The following NPC1L1 variants were observed in gnomAD, a reference collection of about 807,000 sequenced individuals.
NPC1L1 encodes the protein NPC1-like intracellular cholesterol transporter 1.
NPC1L1 carries 98 observed loss-of-function variants against 117.0 expected under a neutral mutation model. The observed-to-expected ratio is 0.84, with a 90% CI of 0.71 to 0.99. The LOEUF (loss-of-function observed/expected upper bound fraction) is 0.99. Ranked by LOEUF, NPC1L1 falls within the 50% of genes least tolerant of loss-of-function variation. The probability of loss-of-function intolerance (pLI) is 0.00; values close to 1 mark genes in which losing one functional copy is unlikely to be tolerated. For synonymous variants in NPC1L1, 729 were observed against 727.6 expected, an observed-to-expected ratio of 1.00 and a Z score of -0.03; for missense variants, 1,540 against 1,710.0, an observed-to-expected ratio of 0.90 and a Z score of 1.75.
rs750012314 is a variant in NPC1L1 at position 44,539,591 on chromosome 7, G to T, written c.806C>A (p.Pro269His). ...CAASCPAIARPQALDSTFYLG... is the reference protein window; with the variant it reads ...CAASCPAIARHQALDSTFYLG... ...GTAGAAGGTGGAGTCGAGGGCCTGG[G>T]GGCGGGCTATGGCAGGACAGGATGC... Residue 269 changes from proline (P) to histidine (H), a missense_variant, in exon 2 of 19, where the codon CCC (proline) becomes CAC (histidine). Physicochemically the swap from Pro to His is moderately conservative, Grantham distance 77. Coordinates refer to ENST00000381160, the MANE Select transcript of NPC1L1 (RefSeq NM_001101648.2). This position sits in a 1 kb window ranked among gnomAD's most constrained non-coding sequence, Gnocchi z 4.4. 6.2e-7 allele frequency: 1 copy of T among 1,614,054 alleles called. No homozygotes were observed. The highest frequency in any genetic ancestry group is 8.5e-7 in the Non-Finnish European group (1 of 1,180,026).
In NPC1L1 at chr7:44,525,889, G is replaced by C. The variant is rs988691966; in HGVS notation, c.2638-3647C>G. ...AGATTGAAAGTGCTGAAGAATGCTG[G>C]GCATGATGGCTCATGCCTGTAATCC... On this transcript the variant is annotated intron_variant, in intron 10 of 18. Transcript: ENST00000381160. Among the ~76,000 whole-genome samples the C allele has an allele frequency of 2.0e-5, 3 of 152,324 alleles. No homozygotes were observed. In the South Asian group the frequency reaches 6.2e-4, roughly 32 times the overall value.
In NPC1L1 at chr7:44,513,333, G is replaced by T; in HGVS notation, c.*114C>A. 1 of 1,010,824 alleles carries T rather than the reference G, an allele frequency of 9.9e-7. No homozygotes were observed. The highest frequency in any genetic ancestry group is 1.5e-6 in the Non-Finnish European group (1 of 647,414). The allele number at this position is 1,010,824 out of a possible 1,614,324, so 62.6% of individuals were successfully genotyped here. A position where few individuals can be genotyped will look rare whatever the true frequency, so the allele number is the denominator to read the frequency against. Reference sequence around the variant, plus strand: ...TCCTCCAGTGACAGGCAGTCTCATGGGAATGGCCTCCCCTAGGATTTGAGG... The same window carrying T: ...TCCTCCAGTGACAGGCAGTCTCATGTGAATGGCCTCCCCTAGGATTTGAGG... On this transcript the variant is annotated 3_prime_UTR_variant, in exon 19 of 19. Transcript: ENST00000381160.
At chr7:44,529,932 G>T (rs990664745) in intron 10 of NPC1L1, among the ~76,000 whole-genome samples, 2 of 151,670 alleles carry the variant, frequency 1.3e-5, no homozygotes, top group Non-Finnish European at 2.9e-5. Flanking sequence ...TACTCAGGAG[G>T]TTGAGTCAGG....
At position 44,539,672 on chromosome 7, in the gene NPC1L1, C is replaced by T. The variant is rs151154365; in HGVS notation, c.725G>A (p.Arg242His). ...GIQPLNEGVA[R>H]CNESQGDDVA... The stretch of plus-strand genomic sequence containing the variant: ...GTCGTCACCTTGGGACTCATTGCAA[C>T]GTGCAACCCCCTCATTCAGAGGCTG... The change falls in exon 2 of 19, where the codon CGT (arginine) becomes CAT (histidine). Residue 242 changes from arginine to histidine, a missense_variant. Physicochemically the swap from Arg to His is conservative, Grantham distance 29. Coordinates refer to ENST00000381160, the MANE Select transcript of NPC1L1 (RefSeq NM_001101648.2). The surrounding 1 kb of genome is among the most constrained non-coding windows in gnomAD (Gnocchi z 4.4). 1.8e-4 allele frequency: 285 copies of T among 1,613,850 alleles called. No homozygotes were observed. Among genetic ancestry groups the T allele is most frequent in the Non-Finnish European group, 2.3e-4 (272 of 1,180,048 alleles).
chr7:44,531,789 C>T lies in NPC1L1; in HGVS notation c.2603G>A (p.Ser868Asn), dbSNP rs77378898. 358 of 1,588,750 alleles carry T rather than the reference C, an allele frequency of 2.3e-4. 2 individuals carry two copies. In the East Asian group the frequency reaches 6.7e-3, roughly 30 times the overall value. ...GGCCAGCTCCTGGTCCAGTCCCACG[C>T]TGATGTGGCACATGGAGTAGAGGCT... ...GVSLYSMCHI[S>N]VGLDQELALP... Residue 868 changes from serine (S) to asparagine (N), a missense_variant, in exon 10 of 19, where the codon AGC becomes AAC. Ser to Asn is a conservative substitution (Grantham distance 46, BLOSUM62 1). Coordinates refer to ENST00000381160, the MANE Select transcript of NPC1L1 (RefSeq NM_001101648.2).
intron 2 of NPC1L1, among the ~76,000 whole-genome samples, chr7:44,537,671 C>T (rs1480266582): frequency 6.6e-6 from 1 of 152,204 alleles, no homozygotes; most frequent in Non-Finnish European, 1.5e-5. Flanking sequence ...GCTTACCACA[C>T]CCCTCTGAAC....
rs765701423 is a variant in NPC1L1 at position 44,539,335 on chromosome 7, G to A, written c.1062C>T (p.Thr354=). 3.1e-6 allele frequency: 5 copies of A among 1,613,638 alleles called. No individual in the cohort carries two copies. The South Asian group carries it at 5.5e-5, about 18-fold the overall frequency. Residue 354 remains threonine, a synonymous_variant, in exon 2 of 19, where the codon ACC becomes ACT. Coordinates refer to ENST00000381160, the MANE Select transcript of NPC1L1 (RefSeq NM_001101648.2). The surrounding 1 kb of genome is among the most constrained non-coding windows in gnomAD (Gnocchi z 4.4). ...WGTWVASWPL[T]ILVLSVIPVV... ...CCGGGATGACAGATAGCACCAAGATGGTCAGAGGCCACGAAGCCACCCACG... is the reference window on the plus strand; with the variant it reads ...CCGGGATGACAGATAGCACCAAGATAGTCAGAGGCCACGAAGCCACCCACG...
chr7:44,519,493 GA>G (rs904203065), intron 14 of NPC1L1, among the ~76,000 whole-genome samples: 4 of 152,162 alleles, frequency 2.6e-5, no homozygotes, highest in African/African-American at 7.2e-5. Flanking sequence ...TGCCCTTCTG[GA>G]AACATGGGAA....
intron 10 of NPC1L1, among the ~76,000 whole-genome samples, chr7:44,523,106 A>G (rs1801409464): frequency 6.6e-6 from 1 of 152,166 alleles, no homozygotes; most frequent in Admixed American, 6.5e-5. Flanking sequence ...TCTGGGCTGG[A>G]GTGCAGTGGC....
chr7:44,521,719 C>A lies in NPC1L1; in HGVS notation c.2946G>T (p.Ser982=). Residue 982 remains serine (S), a synonymous_variant, in exon 12 of 19, where the codon TCG becomes TCT. Coordinates refer to ENST00000381160, the MANE Select transcript of NPC1L1 (RefSeq NM_001101648.2). ...SGPNKDKFCP[S]TVNSLNCLKN... is the part of the protein sequence containing the mutation. ...CCATGGCCCCACACTCACTGACGGT[C>A]GAGGGGCAGAACTTGTCCTTATTGG... 1.9e-6 allele frequency: 3 copies of A among 1,614,022 alleles called. No homozygotes were observed. In the South Asian group the frequency reaches 3.3e-5, roughly 18 times the overall value.
intron 1 of NPC1L1, among the ~76,000 whole-genome samples, chr7:44,540,921 C>T (rs965963586): frequency 4.6e-5 from 7 of 152,124 alleles, no homozygotes; most frequent in African/African-American, 1.7e-4. Flanking sequence ...CCCTCAACTG[C>T]AGGCCTGGAC....
At position 44,533,726 on chromosome 7, in the gene NPC1L1, C is replaced by A; in HGVS notation, c.2281+13G>T. On this transcript the variant is annotated intron_variant, in intron 7 of 18. Coordinates refer to ENST00000381160, the MANE Select transcript of NPC1L1 (RefSeq NM_001101648.2). ...AGCCTAATGCCGAGTGGGGAGGTCT[C>A]ACCCAGGCTCACCTAGGAAGAAGCA... 1 of 1,612,044 alleles carries A rather than the reference C, an allele frequency of 6.2e-7. No homozygotes were observed. Among genetic ancestry groups the A allele is most frequent in the South Asian group, 1.1e-5 (1 of 90,960 alleles).
intron 10 of NPC1L1, 75 bp downstream of exon 10, chr7:44,531,680 A>C (rs1312466289): frequency 7.4e-7 from 1 of 1,352,172 alleles, no homozygotes; most frequent in Non-Finnish European, 1.0e-6. Context: ...AGGACCCCCC[A>C]ACCCATCCCT....
chr7:44,515,387 C>T (rs892287273), intron 18 of NPC1L1, among the ~76,000 whole-genome samples: 5 of 152,070 alleles, frequency 3.3e-5, no homozygotes, highest in Admixed American at 3.3e-4. Context: ...AGAATGGAAC[C>T]AGCAATATCA....
rs763938939 is a variant in NPC1L1 at position 44,522,066 on chromosome 7, T to C, written c.2814A>G (p.Thr938=). The C allele has an allele frequency of 1.2e-6, 2 of 1,613,904 alleles. No homozygotes were observed. The highest frequency in any genetic ancestry group is 8.5e-7 in the Non-Finnish European group (1 of 1,179,906). Residue 938 remains threonine (T), a synonymous_variant, in exon 11 of 19, where the codon ACA becomes ACG. Transcript: ENST00000381160. ...CAGGAACTCACTGCTCAGGGAACTC[T>C]GTGGCATACTGGATCTTCTGGGTGA... ...FSFTQKIQYA[T]EFPEQSYLAI...
chr7:44,520,267 G>C (rs1216741746), intron 14 of NPC1L1, among the ~76,000 whole-genome samples: 1 of 151,766 alleles, frequency 6.6e-6, no homozygotes, highest in Non-Finnish European at 1.5e-5. Flanking sequence ...GCAACAAAGC[G>C]AGACTCCGTC....
Position 44,522,942 on chromosome 7 carries a change from C to T in NPC1L1, c.2638-700G>A, listed in dbSNP as rs542491337. ...ATGCACCAGGCATCCTCATGGTCTG[C>T]TCCCTTCTATAACATAAAGGCTCAG... On this transcript the variant is annotated intron_variant, in intron 10 of 18. Coordinates refer to ENST00000381160, the MANE Select transcript of NPC1L1 (RefSeq NM_001101648.2). 3.9e-5 allele frequency among the ~76,000 whole-genome samples: 6 copies of T among 152,360 alleles called. No homozygotes were observed. The South Asian group carries it at 1.0e-3, about 26-fold the overall frequency.
chr7:44,533,351 TG>T, intron 8 of NPC1L1, 79 bp downstream of exon 8: 1 of 1,570,282 alleles, frequency 6.4e-7, no homozygotes, highest in South Asian at 1.1e-5. Flanking sequence ...GCCATCTCTG[TG>T]GTGGTAAAGC....
At chr7:44,528,964 A>T (rs1801609450) in intron 10 of NPC1L1, among the ~76,000 whole-genome samples, 1 of 152,036 alleles carries the variant, frequency 6.6e-6, no homozygotes, top group Non-Finnish European at 1.5e-5. Flanking sequence ...CCAGCTACTC[A>T]GGAGGCTGAG....
Sources: allele counts gnomAD v4.1 joint callset (sites outside exome capture counted in the v4.1 genomes callset), GRCh38; gene constraint gnomAD v4.1.1; non-coding constraint Gnocchi (gnomAD v3.1); transcripts MANE v1.5; gene names NCBI Gene and HGNC (gene_info 2026-07-23, HGNC 2026-07-21).